ALMS1: variants seen among roughly 807,000 people sequenced by gnomAD.
ALMS1 encodes the protein ALMS1 centrosome and basal body associated protein, also known as centrosome-associated protein ALMS1.
Under a neutral mutation model 352.2 loss-of-function variants are expected in ALMS1, and 271 were observed. That is an observed-to-expected ratio of 0.77 (90% CI 0.70 to 0.85). ALMS1 has a LOEUF of 0.85. Ranked by LOEUF, ALMS1 falls within the 40% of genes least tolerant of loss-of-function variation. ALMS1 has a pLI of 0.00. For missense variants in ALMS1, 5,445 were observed against 4,870.7 expected (o/e 1.12, Z -3.51); for synonymous variants, 1,865 against 1,761.2 (o/e 1.06, Z -1.48).
intron 2 of ALMS1, among the ~76,000 whole-genome samples, chr2:73,413,390 A>G (rs577117754): frequency 6.6e-6 from 1 of 151,984 alleles, no homozygotes; most frequent in Non-Finnish European, 1.5e-5. Flanking sequence ...GCCTAATCCT[A>G]TGTCACTGAG....
chr2:73,400,628 C>T (rs532255685), intron 1 of ALMS1, among the ~76,000 whole-genome samples: 1 of 152,020 alleles, frequency 6.6e-6, no homozygotes, highest in African/African-American at 2.4e-5. Flanking sequence ...TAGATATAGG[C>T]CTCTTCATTT....
intron 12 of ALMS1, among the ~76,000 whole-genome samples, chr2:73,543,786 A>G (rs912201959): frequency 6.6e-6 from 1 of 152,240 alleles, no homozygotes; most frequent in African/African-American, 2.4e-5. Flanking sequence ...ACTGGCCGTC[A>G]GAGAAATGCA....
intron 1 of ALMS1, among the ~76,000 whole-genome samples, chr2:73,406,520 A>G (rs1186291709): frequency 6.8e-6 from 1 of 146,566 alleles, no homozygotes; most frequent in Non-Finnish European, 1.5e-5. Flanking sequence ...TGTTTAGTCA[A>G]TTTTTTTGGT....
At chr2:73,537,448 C>T (rs183315812) in intron 12 of ALMS1, among the ~76,000 whole-genome samples, 18 of 152,236 alleles carry the variant, frequency 1.2e-4, no homozygotes, top group Non-Finnish European at 8.8e-5. Context: ...CTGCCTAGGT[C>T]AGTGTTGAAG....
chr2:73,590,667 T>C (rs1057494655), intron 16 of ALMS1, among the ~76,000 whole-genome samples: 7 of 150,846 alleles, frequency 4.6e-5, no homozygotes, highest in Admixed American at 6.7e-5. Flanking sequence ...TTTTAAATTC[T>C]GTTTTATTAC....
At chr2:73,520,165 TA>T in intron 11 of ALMS1, 149 bp downstream of exon 11, 1 of 1,006,154 alleles carries the variant, frequency 9.9e-7, no homozygotes, top group Non-Finnish European at 1.5e-6. Context: ...TTTATTTGCA[TA>T]GCTGTCAACA....
In ALMS1 at chr2:73,452,359, A is replaced by G; in HGVS notation, c.5832A>G (p.Arg1944=). 6.2e-7 allele frequency: 1 copy of G among 1,614,126 alleles called. No individual in the cohort carries two copies. The highest frequency in any genetic ancestry group is 8.5e-7 in the Non-Finnish European group (1 of 1,179,998). ...TACCTTTAAGTTACTACTCACGTAG[A>G]GAGAAGCCCAGTGTTATCTCTCAAC... ...PTVPLSYYSR[R]EKPSVISQQE... is the part of the protein sequence containing the mutation. Residue 1944 remains arginine, a synonymous_variant, in exon 8 of 23, where the codon AGA becomes AGG. Transcript: ENST00000613296.
chr2:73,424,622 T>C lies in ALMS1; in HGVS notation c.957T>C (p.Asn319=), dbSNP rs757922094. The part of the protein sequence containing the change: ...QCPFLPSEQG[N]NEETISSVDE... ...CTTTTTTACCTTCTGAACAAGGGAA[T>C]AATGAAGAGACTATTTCGTCTGTTG... is the stretch of plus-strand genomic sequence containing the variant. The change falls in exon 5 of 23, where the codon AAT becomes AAC. Residue 319 remains asparagine (N), a synonymous_variant. Transcript: ENST00000613296. The C allele has an allele frequency of 6.2e-7, 1 of 1,613,998 alleles. No homozygotes were observed. Among genetic ancestry groups the C allele is most frequent in the Admixed American group, 1.7e-5 (1 of 59,948 alleles).
intron 7 of ALMS1, among the ~76,000 whole-genome samples, chr2:73,446,996 A>C (rs988040703): frequency 9.2e-5 from 14 of 152,140 alleles, no homozygotes; most frequent in African/African-American, 3.1e-4. Flanking sequence ...ATGTTTTACC[A>C]ATTTATTGTC....
At chr2:73,420,915 C>T (rs75761701) in intron 3 of ALMS1, among the ~76,000 whole-genome samples, 2,964 of 152,132 alleles carry the variant, frequency 0.019, 111 homozygotes, top group African/African-American at 0.066. Context: ...GGTTAGATAC[C>T]TCAAAAAAGA....
chr2:73,477,614 A>G (rs986283035), intron 9 of ALMS1, among the ~76,000 whole-genome samples: 1 of 152,152 alleles, frequency 6.6e-6, no homozygotes, highest in Non-Finnish European at 1.5e-5. Flanking sequence ...GTCCATAAAC[A>G]TGAGCCAGTT....
intron 15 of ALMS1, among the ~76,000 whole-genome samples, chr2:73,569,818 T>C (rs571843930): frequency 1.3e-5 from 2 of 152,062 alleles, no homozygotes; most frequent in African/African-American, 2.4e-5. Flanking sequence ...TCAGGAAGAG[T>C]GGTACAAAAT....
chr2:73,607,713 G>A (rs1675845011), intron 21 of ALMS1, among the ~76,000 whole-genome samples: 1 of 151,676 alleles, frequency 6.6e-6, no homozygotes. Flanking sequence ...GCTTGATCTT[G>A]GCTCAGTGCA....
rs376683428 is a variant in ALMS1 at position 73,449,926 on chromosome 2, G to A, written c.3399G>A (p.Lys1133=). ...TAGCTCCTGGACTAGCAGACCAGAAGACTGGCACACCAACTGTAACCTCAA... is the reference window on the plus strand; with the variant it reads ...TAGCTCCTGGACTAGCAGACCAGAAAACTGGCACACCAACTGTAACCTCAA... ...ISVAPGLADQ[K]TGTPTVTSTS... is the part of the protein sequence containing the mutation. The change falls in exon 8 of 23, where the codon AAG becomes AAA. Residue 1133 remains lysine, a synonymous_variant. Transcript: ENST00000613296. 8.1e-5 allele frequency: 131 copies of A among 1,613,750 alleles called. No homozygotes were observed. The highest frequency in any genetic ancestry group is 1.1e-4 in the Non-Finnish European group (125 of 1,179,954).
At chr2:73,424,945 A>G (rs751730202) in intron 5 of ALMS1, 43 bp downstream of exon 5, 1 of 1,501,948 alleles carries the variant, frequency 6.7e-7, no homozygotes, top group East Asian at 2.3e-5. Flanking sequence ...GACACAATTG[A>G]TAAAAATAAA....
intron 9 of ALMS1, 106 bp downstream of exon 9, chr2:73,455,401 A>T: frequency 6.7e-7 from 1 of 1,484,962 alleles, no homozygotes; most frequent in South Asian, 1.2e-5. Flanking sequence ...TATTTGGCTA[A>T]AGCCTTTTTT....
intron 10 of ALMS1, among the ~76,000 whole-genome samples, chr2:73,495,201 A>G (rs190424584): frequency 2.2e-3 from 336 of 152,184 alleles, no homozygotes; most frequent in African/African-American, 7.8e-3. Context: ...CAACTGTTTC[A>G]TTAAAAATCC....
At chr2:73,500,865 T>C (rs1381722007) in intron 10 of ALMS1, among the ~76,000 whole-genome samples, 1 of 152,128 alleles carries the variant, frequency 6.6e-6, no homozygotes, top group Admixed American at 6.6e-5. Context: ...CTCCATGTAG[T>C]CTATCTAGGT....
At chr2:73,494,689 G>T (rs1673066876) in intron 10 of ALMS1, among the ~76,000 whole-genome samples, 1 of 152,166 alleles carries the variant, frequency 6.6e-6, no homozygotes, top group African/African-American at 2.4e-5. Flanking sequence ...TTAGGGTTAT[G>T]CATTCTCAAC....
Sources: allele counts gnomAD v4.1 joint callset (sites outside exome capture counted in the v4.1 genomes callset), GRCh38; gene constraint gnomAD v4.1.1; transcripts MANE v1.5; gene names NCBI Gene and HGNC (gene_info 2026-07-23, HGNC 2026-07-21).